ORC4: variants seen among roughly 807,000 people sequenced by gnomAD.
The protein encoded by ORC4 is origin recognition complex subunit 4, also known as origin recognition complex, subunit 4 homolog.
A neutral mutation model predicts 63.9 loss-of-function variants in ORC4; 55 were observed. The observed-to-expected ratio is 0.86, with a 90% CI of 0.69 to 1.08. ORC4 has a LOEUF of 1.08. Ranked by LOEUF, ORC4 falls within the 50% of genes least tolerant of loss-of-function variation. ORC4 has a pLI of 0.00. For missense variants in ORC4, 511 were observed against 504.4 expected, an observed-to-expected ratio of 1.01 and a Z score of -0.13; for synonymous variants, 150 against 168.5, an observed-to-expected ratio of 0.89 and a Z score of 0.85.
chr2:147,933,552 C>A lies in ORC4; in HGVS notation c.*1958G>T, dbSNP rs1489892606. 1.3e-5 allele frequency: 2 copies of A among 152,012 alleles called. No homozygotes were observed. The highest frequency in any genetic ancestry group is 2.9e-5 in the Non-Finnish European group (2 of 68,004). 9.4% of individuals were successfully genotyped at this position (152,012 alleles called of 1,614,324 possible). A position where few individuals can be genotyped will look rare whatever the true frequency, so the allele number is the denominator to read the frequency against. ...TTATACTTGGTTATTGATGGATCTT[C>A]TGCAGCTCTTATGTAGCCAATGAGA... On this transcript the variant is annotated 3_prime_UTR_variant, in exon 14 of 14. Coordinates refer to ENST00000392857, the MANE Select transcript of ORC4 (RefSeq NM_181741.4).
At chr2:147,995,053 G>A (rs1691862870) in intron 1 of ORC4, among the ~76,000 whole-genome samples, 1 of 150,358 alleles carries the variant, frequency 6.7e-6, no homozygotes, top group Non-Finnish European at 1.5e-5. Context: ...GTGGATTAAA[G>A]GATTGTAAAT....
At chr2:147,973,769 A>T (rs1042933290) in intron 2 of ORC4, among the ~76,000 whole-genome samples, 2 of 152,200 alleles carry the variant, frequency 1.3e-5, no homozygotes, top group African/African-American at 4.8e-5. Flanking sequence ...CAAGAGGGAG[A>T]ATCACTGACT....
At chr2:147,971,542 TACAA>T (rs1260243522) in intron 4 of ORC4, among the ~76,000 whole-genome samples, 1 of 151,850 alleles carries the variant, frequency 6.6e-6, no homozygotes, top group East Asian at 1.9e-4. Flanking sequence ...GAATTACAAG[TACAA>T]ACAATGAGAC....
At chr2:147,940,630 G>GATATAT (rs17225614) in intron 10 of ORC4, among the ~76,000 whole-genome samples, 1 of 149,872 alleles carries the variant, frequency 6.7e-6, no homozygotes, top group Non-Finnish European at 1.5e-5. Flanking sequence ...TGGATATATG[G>GATATAT]ATATATATAT....
intron 1 of ORC4, among the ~76,000 whole-genome samples, chr2:147,993,566 G>C (rs1691755773): frequency 6.6e-6 from 1 of 152,128 alleles, no homozygotes; most frequent in African/African-American, 2.4e-5. Flanking sequence ...CTCCAATTCT[G>C]TTTTGCTAAT....
rs1192430492 is a variant in ORC4 at position 147,932,578 on chromosome 2, G to C, written c.*2932C>G. The C allele has an allele frequency of 6.6e-6, 1 of 152,164 alleles. No individual in the cohort carries two copies. Among genetic ancestry groups the C allele is most frequent in the African/African-American group, 2.4e-5 (1 of 41,446 alleles). 9.4% of individuals were successfully genotyped at this position (152,164 alleles called of 1,614,324 possible). ...GAGGCTTACACCTTGACAACTGCAA[G>C]AATGAGGATAGTGGTGAGTGAAGGG... On this transcript the variant is annotated 3_prime_UTR_variant, in exon 14 of 14. Coordinates refer to ENST00000392857, the MANE Select transcript of ORC4 (RefSeq NM_181741.4).
At chr2:147,995,594 C>T (rs1461494087) in intron 1 of ORC4, among the ~76,000 whole-genome samples, 4 of 152,114 alleles carry the variant, frequency 2.6e-5, no homozygotes, top group Non-Finnish European at 5.9e-5. Context: ...GGAGGGTCTG[C>T]GGCTTCATTC....
upstream of ORC4, chr2:148,021,431 C>A (rs1693712660): frequency 7.2e-5 from 40 of 557,806 alleles, 2 homozygotes; most frequent in South Asian, 5.2e-4. Flanking sequence ...AACCAAAAGC[C>A]TCTTAGCAAC....
chr2:147,998,463 C>A (rs1456089229), intron 1 of ORC4, among the ~76,000 whole-genome samples: 2 of 152,134 alleles, frequency 1.3e-5, no homozygotes. Context: ...AGTTCTCTGG[C>A]GAATGGCTTA....
intron 10 of ORC4, among the ~76,000 whole-genome samples, chr2:147,942,311 C>G (rs1042502897): frequency 1.3e-5 from 2 of 152,020 alleles, no homozygotes; most frequent in Non-Finnish European, 2.9e-5. Flanking sequence ...AAACCAAATA[C>G]TCTTAGTGAA....
At position 147,972,945 on chromosome 2, in the gene ORC4, C is replaced by T. The variant is rs748404461; in HGVS notation, c.135-116G>A. 4.4e-6 allele frequency: 3 copies of T among 686,796 alleles called. No homozygotes were observed. The African/African-American group carries it at 5.4e-5, about 12-fold the overall frequency. The allele number at this position is 686,796 out of a possible 1,614,324, so 42.5% of individuals were successfully genotyped here. A position where few individuals can be genotyped will look rare whatever the true frequency, so the allele number is the denominator to read the frequency against. On this transcript the variant is annotated intron_variant, in intron 3 of 13. Coordinates refer to ENST00000392857, the MANE Select transcript of ORC4 (RefSeq NM_181741.4). ...CAGAAATTTCCTCTCTTCTCTCCCT[C>T]TGGGTACTTGGCCTAGCTTCTGAAT... is the stretch of plus-strand genomic sequence containing the variant.
intron 6 of ORC4, among the ~76,000 whole-genome samples, chr2:147,956,840 A>G (rs528615721): frequency 6.6e-6 from 1 of 152,010 alleles, no homozygotes; most frequent in South Asian, 2.1e-4. Flanking sequence ...ACCAATATGA[A>G]TATGTAACAT....
In ORC4 at chr2:147,938,134, A is replaced by G. The variant is rs1171827382; in HGVS notation, c.1122+12T>C. 6.3e-7 allele frequency: 1 copy of G among 1,584,646 alleles called. No homozygotes were observed. The highest frequency in any genetic ancestry group is 1.3e-5 in the African/African-American group (1 of 74,416). ...CTTGTCTGTAGAAAAATGACAGCAA[A>G]CTAAATCTTACCTTCATGACAACAG... On this transcript the variant is annotated intron_variant, in intron 13 of 13. Coordinates refer to ENST00000392857, the MANE Select transcript of ORC4 (RefSeq NM_181741.4).
intron 6 of ORC4, among the ~76,000 whole-genome samples, chr2:147,957,828 G>C (rs1689347556): frequency 6.6e-6 from 1 of 152,072 alleles, no homozygotes; most frequent in South Asian, 2.1e-4. Context: ...AGAGATACTT[G>C]TTAGCTCAGG....
chr2:147,983,264 C>T (rs73964132), intron 1 of ORC4, among the ~76,000 whole-genome samples: 4,102 of 152,234 alleles, frequency 0.027, 126 homozygotes, highest in African/African-American at 0.058. Flanking sequence ...ACCTGTAACA[C>T]GTATGTTCAT....
At chr2:148,009,712 A>G (rs1165251274) in intron 1 of ORC4, among the ~76,000 whole-genome samples, 1 of 152,196 alleles carries the variant, frequency 6.6e-6, no homozygotes, top group African/African-American at 2.4e-5. Context: ...TATAGATTAA[A>G]TGGACCTAAT....
At chr2:147,993,282 G>A (rs1691734949) in intron 1 of ORC4, among the ~76,000 whole-genome samples, 3 of 152,062 alleles carry the variant, frequency 2.0e-5, no homozygotes, top group African/African-American at 7.2e-5. Context: ...GAGGCTGAAA[G>A]GGAAGTTTTT....
chr2:147,982,277 A>G (rs1204699895), intron 1 of ORC4, among the ~76,000 whole-genome samples: 1 of 152,192 alleles, frequency 6.6e-6, no homozygotes, highest in Non-Finnish European at 1.5e-5. Context: ...TTAGCTAATA[A>G]AATATCCTCA....
At chr2:147,954,312 G>A (rs1318170637) in intron 7 of ORC4, among the ~76,000 whole-genome samples, 2 of 152,110 alleles carry the variant, frequency 1.3e-5, no homozygotes, top group Non-Finnish European at 1.5e-5. Context: ...ACAGAGATAC[G>A]TTCTGAGAAA....
Sources: allele counts gnomAD v4.1 joint callset (sites outside exome capture counted in the v4.1 genomes callset), GRCh38; gene constraint gnomAD v4.1.1; transcripts MANE v1.5; gene names NCBI Gene and HGNC (gene_info 2026-07-23, HGNC 2026-07-21).